Variants in REEP1 observed in about 807,000 individuals in gnomAD.
REEP1 encodes the protein receptor expression-enhancing protein 1.
In REEP1, 22 loss-of-function variants were observed where a neutral mutation model predicts 40.3. The observed-to-expected ratio is 0.55, with a 90% confidence interval of 0.39 to 0.78. The LOEUF is 0.78. Among genes scored for constraint, REEP1 ranks in the 30% least tolerant of loss-of-function variants. The pLI, the probability that REEP1 is intolerant of heterozygous loss-of-function variation, is 0.00. For missense variants in REEP1, 280 were observed against 361.1 expected, an observed-to-expected ratio of 0.78 and a Z score of 1.82; for synonymous variants, 116 against 139.2, an observed-to-expected ratio of 0.83 and a Z score of 1.17.
chr2:86,272,589 G>C (rs1263811743), intron 2 of REEP1, among the ~76,000 whole-genome samples: 1 of 152,100 alleles, frequency 6.6e-6, no homozygotes, highest in Non-Finnish European at 1.5e-5. Flanking sequence ...TCTAACTCTA[G>C]ACTAGACACT....
At chr2:86,338,065 C>A, upstream of REEP1, 1 of 1,537,264 alleles carries the variant, frequency 6.5e-7, no homozygotes, top group Non-Finnish European at 8.7e-7. Context: ...CGTTGCTCAG[C>A]ACTTTCTGCA....
chr2:86,320,335 A>T (rs1680221409), intron 1 of REEP1, among the ~76,000 whole-genome samples: 1 of 152,238 alleles, frequency 6.6e-6, no homozygotes, highest in Non-Finnish European at 1.5e-5. Flanking sequence ...TCAGTAGTCC[A>T]ATATTGGTAG....
chr2:86,271,384 A>T (rs1335262999), intron 2 of REEP1, among the ~76,000 whole-genome samples: 2 of 152,122 alleles, frequency 1.3e-5, no homozygotes, highest in Non-Finnish European at 2.9e-5. Context: ...AAATCTTAAA[A>T]GCAGAGAGGA....
At chr2:86,252,128 T>G in intron 4 of REEP1, 58 bp from the exon 5 acceptor site, 1 of 1,220,334 alleles carries the variant, frequency 8.2e-7, no homozygotes, top group Non-Finnish European at 1.2e-6. Context: ...ATCTCTGTTT[T>G]CTTTCCTTTC....
intron 5 of REEP1, among the ~76,000 whole-genome samples, chr2:86,238,007 C>T (rs560205979): frequency 1.3e-4 from 20 of 152,154 alleles, no homozygotes; most frequent in African/African-American, 4.6e-4. Flanking sequence ...CATGGAGAAA[C>T]TCCATCTCTA....
chr2:86,300,250 C>A (rs530439808), intron 1 of REEP1, among the ~76,000 whole-genome samples: 1 of 152,174 alleles, frequency 6.6e-6, no homozygotes, highest in Non-Finnish European at 1.5e-5. Context: ...TTAGCCAAAT[C>A]GGTCCACTCT....
intron 2 of REEP1, among the ~76,000 whole-genome samples, chr2:86,276,476 G>T (rs965220702): frequency 1.3e-5 from 2 of 152,164 alleles, no homozygotes; most frequent in Non-Finnish European, 2.9e-5. Flanking sequence ...CTCCTTTATA[G>T]CAAAAGAAAT....
intron 1 of REEP1, among the ~76,000 whole-genome samples, chr2:86,295,266 T>C (rs2104440667): frequency 6.6e-6 from 1 of 152,204 alleles, no homozygotes; most frequent in South Asian, 2.1e-4. Context: ...GCAGAGAGAC[T>C]GGGGCGGGAA....
chr2:86,332,470 C>T (rs77515761), intron 1 of REEP1, among the ~76,000 whole-genome samples: 9,030 of 151,702 alleles, frequency 0.06, 876 homozygotes, highest in African/African-American at 0.2. Context: ...CACACACACA[C>T]ACACGTTCAC....
At chr2:86,308,079 T>C (rs1679586603) in intron 1 of REEP1, among the ~76,000 whole-genome samples, 1 of 152,194 alleles carries the variant, frequency 6.6e-6, no homozygotes. Flanking sequence ...TCACCTGTCC[T>C]TGAGATATAA....
At chr2:86,253,454 G>A (rs1676392156) in intron 4 of REEP1, among the ~76,000 whole-genome samples, 1 of 152,132 alleles carries the variant, frequency 6.6e-6, no homozygotes, top group Non-Finnish European at 1.5e-5. Context: ...GCTTCCCCAG[G>A]AAGTCATAGC....
chr2:86,330,324 A>G (rs1323146847), intron 1 of REEP1, among the ~76,000 whole-genome samples: 1 of 151,996 alleles, frequency 6.6e-6, no homozygotes, highest in Non-Finnish European at 1.5e-5. Flanking sequence ...AGGTTTGGCC[A>G]ATGACATGTG....
chr2:86,330,811 C>T (rs915286351), intron 1 of REEP1, among the ~76,000 whole-genome samples: 6 of 152,094 alleles, frequency 3.9e-5, no homozygotes, highest in Admixed American at 2.0e-4. Context: ...TCAGTGAATG[C>T]GATGAGCAGA....
intron 1 of REEP1, among the ~76,000 whole-genome samples, chr2:86,314,762 G>A (rs1679918534): frequency 6.7e-6 from 1 of 148,566 alleles, no homozygotes; most frequent in African/African-American, 2.5e-5. Context: ...TGAGGTGGGA[G>A]GATTGATTGA....
chr2:86,325,883 C>G (rs1017326247), intron 1 of REEP1, among the ~76,000 whole-genome samples: 1 of 152,224 alleles, frequency 6.6e-6, no homozygotes, highest in Non-Finnish European at 1.5e-5. Context: ...GGATGCTTGA[C>G]TTCACCCACC....
At position 86,273,364 on chromosome 2, in the gene REEP1, A is replaced by C. The variant is rs574169904; in HGVS notation, c.105+8806T>G. ...CTGTGGTGCAAACACAGCTCACTGC[A>C]GTCTCGACCTGCTGGGCTCAAGTGA... is the stretch of plus-strand genomic sequence containing the variant. On this transcript the variant is annotated intron_variant, in intron 2 of 8. Transcript: ENST00000538924. Among the ~76,000 whole-genome samples the C allele has an allele frequency of 1.5e-4, 23 of 150,102 alleles. 1 individual carries two copies. Among genetic ancestry groups the C allele is most frequent in the African/African-American group, 5.4e-4 (22 of 40,678 alleles).
intron 1 of REEP1, among the ~76,000 whole-genome samples, chr2:86,335,291 A>G (rs1680958225): frequency 6.6e-6 from 1 of 152,174 alleles, no homozygotes; most frequent in Non-Finnish European, 1.5e-5. Flanking sequence ...GATGTTCATA[A>G]CTCATAATCA....
At chr2:86,231,852 G>C (rs1031410210) in intron 6 of REEP1, among the ~76,000 whole-genome samples, 8 of 152,146 alleles carry the variant, frequency 5.3e-5, no homozygotes, top group Non-Finnish European at 1.0e-4. Flanking sequence ...ATGTCGGGGG[G>C]TCCCAAACAC....
At chr2:86,272,739 C>A (rs749147330) in intron 2 of REEP1, among the ~76,000 whole-genome samples, 1 of 152,180 alleles carries the variant, frequency 6.6e-6, no homozygotes, top group Non-Finnish European at 1.5e-5. Context: ...TTCAGAACAC[C>A]ACCATCTCCT....
Sources: allele counts gnomAD v4.1 joint callset (sites outside exome capture counted in the v4.1 genomes callset), GRCh38; gene constraint gnomAD v4.1.1; transcripts MANE v1.5; gene names NCBI Gene and HGNC (gene_info 2026-07-23, HGNC 2026-07-21).